The following OTUD7A variants were observed in gnomAD, a reference collection of about 807,000 sequenced individuals.
OTUD7A encodes the protein OTU domain-containing protein 7A.
A neutral mutation model predicts 65.7 loss-of-function variants in OTUD7A; 12 were observed. That is an observed-to-expected ratio of 0.18 (90% confidence interval 0.12 to 0.30). The LOEUF is 0.30. OTUD7A is among the 10% of genes least tolerant of loss of function. The pLI is 1.00. For missense variants in OTUD7A, 1,148 were observed against 1,304.8 expected, an observed-to-expected ratio of 0.88 and a Z score of 1.85; for synonymous variants, 641 against 586.3, an observed-to-expected ratio of 1.09 and a Z score of -1.35.
intron 5 of OTUD7A, among the ~76,000 whole-genome samples, chr15:31,548,402 G>A (rs1888206828): frequency 6.6e-6 from 1 of 152,094 alleles, no homozygotes; most frequent in Admixed American, 6.6e-5. Context: ...AATAAATCAT[G>A]CAATTCATAT....
At chr15:31,526,491 G>T in intron 7 of OTUD7A, 30 bp from the exon 8 acceptor site, 1 of 1,517,988 alleles carries the variant, frequency 6.6e-7, no homozygotes, top group Non-Finnish European at 8.8e-7. Flanking sequence ...TCAGAAGGGG[G>T]GTGGGCCACA....
At chr15:31,812,191 G>T (rs1896436729) in intron 1 of OTUD7A, among the ~76,000 whole-genome samples, 1 of 152,110 alleles carries the variant, frequency 6.6e-6, no homozygotes, top group African/African-American at 2.4e-5. Flanking sequence ...TCCCAAACAT[G>T]TCCTGGACCC....
At chr15:31,633,840 C>G (rs4779907) in intron 3 of OTUD7A, among the ~76,000 whole-genome samples, 3 of 151,990 alleles carry the variant, frequency 2.0e-5, no homozygotes, top group Non-Finnish European at 4.4e-5. Context: ...CACCCGCTAG[C>G]GAGCACACAG....
intron 9 of OTUD7A, 132 bp downstream of exon 9, chr15:31,503,559 C>T (rs528472725): frequency 7.3e-6 from 9 of 1,227,348 alleles, no homozygotes; most frequent in African/African-American, 3.0e-5. Flanking sequence ...AGAAACACGT[C>T]GAGGAGATCT....
intron 1 of OTUD7A, among the ~76,000 whole-genome samples, chr15:31,854,514 C>A (rs1272542430): frequency 6.6e-6 from 1 of 152,192 alleles, no homozygotes; most frequent in Non-Finnish European, 1.5e-5. Flanking sequence ...TGGTCCCCCA[C>A]CTCCAATGAT....
At chr15:31,801,956 T>G (rs1249596689) in intron 1 of OTUD7A, among the ~76,000 whole-genome samples, 1 of 152,146 alleles carries the variant, frequency 6.6e-6, no homozygotes, top group Non-Finnish European at 1.5e-5. Context: ...GTGACACTAC[T>G]TTAGTATCCT....
intron 1 of OTUD7A, among the ~76,000 whole-genome samples, chr15:31,675,538 T>A (rs1013548526): frequency 2.0e-5 from 3 of 152,220 alleles, no homozygotes; most frequent in Admixed American, 6.5e-5. Context: ...AGGAACCTTT[T>A]TTTCTACTTA....
intron 3 of OTUD7A, among the ~76,000 whole-genome samples, chr15:31,580,393 T>G (rs1238872169): frequency 1.3e-5 from 2 of 152,172 alleles, no homozygotes. Context: ...CTTGATGAGA[T>G]TTTTAATTTA....
chr15:31,625,332 A>C (rs563551915), intron 3 of OTUD7A, among the ~76,000 whole-genome samples: 13 of 152,126 alleles, frequency 8.5e-5, no homozygotes, highest in Non-Finnish European at 1.5e-4. Flanking sequence ...TAGGCTGCTA[A>C]ATTTTGGGAT....
intron 3 of OTUD7A, among the ~76,000 whole-genome samples, chr15:31,640,661 T>C (rs557473559): frequency 1.7e-3 from 266 of 152,214 alleles, no homozygotes; most frequent in African/African-American, 6.3e-3. Flanking sequence ...ATATGTGAAC[T>C]ATTTCTTAAC....
intron 1 of OTUD7A, among the ~76,000 whole-genome samples, chr15:31,820,737 C>T (rs1896658075): frequency 6.6e-6 from 1 of 152,134 alleles, no homozygotes; most frequent in African/African-American, 2.4e-5. Context: ...GAAATCAGGG[C>T]TGAAAGATTC....
At chr15:31,564,075 A>G (rs1248568460) in intron 4 of OTUD7A, among the ~76,000 whole-genome samples, 1 of 150,148 alleles carries the variant, frequency 6.7e-6, no homozygotes, top group African/African-American at 2.4e-5. Context: ...CAAAATAATA[A>G]TAACAATAAT....
At chr15:31,504,694 C>CTGTGACGAT (rs1312984648) in intron 8 of OTUD7A, among the ~76,000 whole-genome samples, 4 of 24,052 alleles carry the variant, frequency 1.7e-4, no homozygotes, top group African/African-American at 1.6e-3. Flanking sequence ...AATTAGCTGA[C>CTGTGACGAT]GGCAGCAGGT....
chr15:31,530,576 C>G (rs942929326), intron 6 of OTUD7A, 131 bp downstream of exon 6: 4 of 809,338 alleles, frequency 4.9e-6, no homozygotes, highest in Middle Eastern at 2.9e-4. Context: ...TGGGGACTTT[C>G]TCATGACAGT....
chr15:31,504,153 G>T (rs562077011), intron 8 of OTUD7A, among the ~76,000 whole-genome samples: 1 of 152,286 alleles, frequency 6.6e-6, no homozygotes, highest in East Asian at 1.9e-4. Flanking sequence ...GCTTTCTGGG[G>T]GTGTTTCACA....
chr15:31,482,169 G>A lies in OTUD7A; in HGVS notation c.*1125C>T, dbSNP rs2041131816. On this transcript the variant is annotated 3_prime_UTR_variant, in exon 13 of 13. Coordinates refer to ENST00000307050, the MANE Select transcript of OTUD7A (RefSeq NM_001382637.1). The stretch of plus-strand genomic sequence containing the variant: ...CAAAAAAGAGACCGCTCAGGGATCG[G>A]GCTGCTCCCTCATTGTGTCACGAGA... 6.6e-6 allele frequency: 1 copy of A among 152,212 alleles called. No individual in the cohort carries two copies. The highest frequency in any genetic ancestry group is 2.4e-5 in the African/African-American group (1 of 41,458). 9.4% of individuals were successfully genotyped at this position (152,212 alleles called of 1,614,324 possible).
chr15:31,546,784 A>G (rs1315096911), intron 5 of OTUD7A, among the ~76,000 whole-genome samples: 1 of 152,272 alleles, frequency 6.6e-6, no homozygotes, highest in East Asian at 1.9e-4. Flanking sequence ...CAATACACCA[A>G]TGAGAATAAA....
intron 3 of OTUD7A, among the ~76,000 whole-genome samples, chr15:31,638,872 C>T (rs1595676840): frequency 6.6e-6 from 1 of 152,264 alleles, no homozygotes; most frequent in African/African-American, 2.4e-5. Flanking sequence ...CGGTCGCTCA[C>T]GCCTATAATC....
intron 1 of OTUD7A, among the ~76,000 whole-genome samples, chr15:31,690,000 T>C (rs766960030): frequency 6.6e-6 from 1 of 152,186 alleles, no homozygotes; most frequent in Admixed American, 6.5e-5. Context: ...TGTCTGTATA[T>C]TTTTACCTTT....
Sources: allele counts gnomAD v4.1 joint callset (sites outside exome capture counted in the v4.1 genomes callset), GRCh38; gene constraint gnomAD v4.1.1; transcripts MANE v1.5; gene names NCBI Gene and HGNC (gene_info 2026-07-23, HGNC 2026-07-21).